Variants in PTPRT observed in about 807,000 individuals in gnomAD.
PTPRT encodes the protein protein tyrosine phosphatase receptor type T, also known as receptor-type tyrosine-protein phosphatase T.
PTPRT carries 56 observed loss-of-function variants against 176.8 expected under a neutral mutation model. The observed-to-expected ratio is 0.32, with a 90% CI of 0.26 to 0.40. The LOEUF is 0.40. Ranked by LOEUF, PTPRT falls within the 10% of genes least tolerant of loss-of-function variation. The probability of loss-of-function intolerance (pLI) is 1.00; values close to 1 mark genes in which losing one functional copy is unlikely to be tolerated. For missense variants in PTPRT, 1,540 were observed against 1,908.2 expected (o/e 0.81, Z 3.60); for synonymous variants, 783 against 739.0 (o/e 1.06, Z -0.96).
intron 1 of PTPRT, among the ~76,000 whole-genome samples, chr20:43,159,039 G>C (rs1054336238): frequency 6.6e-6 from 1 of 152,038 alleles, no homozygotes; most frequent in Middle Eastern, 3.2e-3. Flanking sequence ...TATTTGGAAG[G>C]TAATCCTAGG....
At chr20:42,239,269 C>T (rs2056304565) in intron 14 of PTPRT, among the ~76,000 whole-genome samples, 1 of 152,160 alleles carries the variant, frequency 6.6e-6, no homozygotes, top group African/African-American at 2.4e-5. Flanking sequence ...GTATTCCTCA[C>T]AGTTGCTCTA....
chr20:42,425,142 A>C (rs2059151552), intron 9 of PTPRT, among the ~76,000 whole-genome samples: 1 of 151,840 alleles, frequency 6.6e-6, no homozygotes, highest in African/African-American at 2.4e-5. Context: ...TCTGCTAGGT[A>C]CTCTTCTAGA....
At chr20:42,535,311 G>T (rs1272163053) in intron 7 of PTPRT, among the ~76,000 whole-genome samples, 2 of 152,110 alleles carry the variant, frequency 1.3e-5, no homozygotes, top group African/African-American at 4.8e-5. Context: ...AGCAGACACT[G>T]GGGAGTACTT....
intron 9 of PTPRT, among the ~76,000 whole-genome samples, chr20:42,421,943 A>G (rs2059122232): frequency 6.6e-6 from 1 of 152,202 alleles, no homozygotes; most frequent in Non-Finnish European, 1.5e-5. Context: ...ACAAAAACCA[A>G]GCAATGTGAA....
intron 7 of PTPRT, among the ~76,000 whole-genome samples, chr20:42,579,544 A>G (rs867574510): frequency 2.9e-4 from 44 of 152,196 alleles, no homozygotes; most frequent in Middle Eastern, 3.4e-3. Flanking sequence ...AAGTGTTCCT[A>G]TTTCTCCACA....
chr20:42,571,375 T>C (rs75024749), intron 7 of PTPRT, among the ~76,000 whole-genome samples: 3,617 of 152,242 alleles, frequency 0.024, 139 homozygotes, highest in African/African-American at 0.083. Context: ...TGCGTACAGC[T>C]TCCAGAAGCT....
At chr20:42,571,599 G>A (rs2073155227) in intron 7 of PTPRT, among the ~76,000 whole-genome samples, 3 of 152,208 alleles carry the variant, frequency 2.0e-5, no homozygotes, top group Admixed American at 6.5e-5. Flanking sequence ...AACTGTTCAC[G>A]TAGTTCAGAT....
At chr20:42,517,840 T>C (rs865804888) in intron 7 of PTPRT, among the ~76,000 whole-genome samples, 3 of 151,974 alleles carry the variant, frequency 2.0e-5, no homozygotes, top group Admixed American at 6.6e-5. Context: ...AGGAATGTAG[T>C]CTGTGTGATA....
At chr20:42,296,399 T>A (rs936830700) in intron 12 of PTPRT, among the ~76,000 whole-genome samples, 3 of 149,146 alleles carry the variant, frequency 2.0e-5, no homozygotes, top group Non-Finnish European at 4.4e-5. Flanking sequence ...TGAGCTGAGA[T>A]CACACCACTG....
At chr20:42,927,135 C>G (rs550356669) in intron 1 of PTPRT, among the ~76,000 whole-genome samples, 2 of 152,344 alleles carry the variant, frequency 1.3e-5, no homozygotes, top group South Asian at 4.1e-4. Context: ...AAATCCCCTT[C>G]ATCCAGGACT....
intron 2 of PTPRT, among the ~76,000 whole-genome samples, chr20:42,849,547 C>T (rs557153267): frequency 2.0e-5 from 3 of 152,114 alleles, no homozygotes; most frequent in Non-Finnish European, 4.4e-5. Context: ...TAGCCAAAAC[C>T]CATAGAGGTT....
chr20:42,462,832 A>C (rs1251456922), intron 8 of PTPRT, among the ~76,000 whole-genome samples: 4 of 152,194 alleles, frequency 2.6e-5, no homozygotes, highest in African/African-American at 4.8e-5. Flanking sequence ...GGCTTTACAC[A>C]GACTTTCATG....
intron 6 of PTPRT, among the ~76,000 whole-genome samples, chr20:42,732,009 C>T (rs536270320): frequency 9.8e-5 from 15 of 152,332 alleles, no homozygotes; most frequent in Admixed American, 2.0e-4. Context: ...TGTCGTGATG[C>T]TCTATTTGAT....
intron 2 of PTPRT, among the ~76,000 whole-genome samples, chr20:42,843,883 T>C (rs2078322912): frequency 6.6e-6 from 1 of 152,176 alleles, no homozygotes; most frequent in Admixed American, 6.5e-5. Flanking sequence ...ATTCTATTAG[T>C]AGAACCAGCC....
intron 16 of PTPRT, among the ~76,000 whole-genome samples, chr20:42,170,063 T>C (rs139500478): frequency 2.8e-3 from 430 of 152,318 alleles, no homozygotes; most frequent in Non-Finnish European, 4.0e-3. Flanking sequence ...GTGGCCCGTC[T>C]CTGCCACCAG....
chr20:42,371,052 A>G (rs1346825512), intron 9 of PTPRT, among the ~76,000 whole-genome samples: 2 of 152,204 alleles, frequency 1.3e-5, no homozygotes, highest in East Asian at 3.8e-4. Flanking sequence ...CTCAAGTCCA[A>G]TGTGCCACAA....
chr20:42,853,679 T>C (rs982074420), intron 2 of PTPRT, among the ~76,000 whole-genome samples: 1 of 152,216 alleles, frequency 6.6e-6, no homozygotes. Flanking sequence ...ATTCAAATGC[T>C]AATCTCATCT....
intron 6 of PTPRT, among the ~76,000 whole-genome samples, chr20:42,698,053 G>A (rs1482465095): frequency 1.3e-5 from 2 of 152,112 alleles, no homozygotes; most frequent in African/African-American, 4.8e-5. Flanking sequence ...TTCACAGCTT[G>A]CAGGCATTTA....
At chr20:42,940,805 G>C (rs1489886910) in intron 1 of PTPRT, among the ~76,000 whole-genome samples, 1 of 152,102 alleles carries the variant, frequency 6.6e-6, no homozygotes, top group Non-Finnish European at 1.5e-5. Context: ...ATTTCAGCTG[G>C]GTGCGGTGGC....
Sources: gnomAD v4.1 joint callset for allele counts (sites outside exome capture counted in the v4.1 genomes callset) on GRCh38, gnomAD v4.1.1 for gene constraint, MANE v1.5 for transcripts, NCBI Gene and HGNC (gene_info 2026-07-23, HGNC 2026-07-21) for gene names.